Variants in SPG11 observed in about 807,000 individuals in gnomAD.
The protein encoded by SPG11 is spatacsin.
In SPG11, 222 loss-of-function variants were observed where a neutral mutation model predicts 274.0. The ratio of observed to expected loss-of-function variants is 0.81; its 90% CI spans 0.73 to 0.91. The LOEUF (loss-of-function observed/expected upper bound fraction) is 0.91. Among genes scored for constraint, SPG11 ranks in the 40% least tolerant of loss-of-function variants. The pLI is 0.00. For missense variants in SPG11, 3,114 were observed against 2,872.7 expected (o/e 1.08, Z -1.92); for synonymous variants, 1,144 against 1,039.7 (o/e 1.10, Z -1.93).
At chr15:44,583,699 AGTT>A (rs2082699249) in intron 30 of SPG11, 112 bp downstream of exon 30, 5 of 1,376,986 alleles carry the variant, frequency 3.6e-6, no homozygotes, top group Non-Finnish European at 5.1e-6. Context: ...CCTGGAAAAA[AGTT>A]GTTGTCCCCT....
At chr15:44,650,137 T>G (rs773709642) in intron 6 of SPG11, among the ~76,000 whole-genome samples, 1 of 152,142 alleles carries the variant, frequency 6.6e-6, no homozygotes, top group Non-Finnish European at 1.5e-5. Flanking sequence ...ATGCGGTGAA[T>G]GAATGCATAT....
At chr15:44,641,729 G>A (rs535241367) in intron 7 of SPG11, among the ~76,000 whole-genome samples, 19 of 150,914 alleles carry the variant, frequency 1.3e-4, no homozygotes, top group African/African-American at 4.6e-4. Flanking sequence ...TCAAGAACAT[G>A]CAACAATGAG....
At chr15:44,638,994 CA>C (rs200325198) in intron 7 of SPG11, among the ~76,000 whole-genome samples, 4 of 138,088 alleles carry the variant, frequency 2.9e-5, no homozygotes, top group Non-Finnish European at 3.2e-5. Context: ...AGACTGTCTC[CA>C]AAAAAAAAAT....
intron 6 of SPG11, 143 bp downstream of exon 6, chr15:44,651,348 T>C (rs2084769171): frequency 1.2e-5 from 9 of 720,656 alleles, no homozygotes; most frequent in Non-Finnish European, 2.1e-5. Flanking sequence ...TGAGACACTA[T>C]TACCAAGAAT....
intron 38 of SPG11, among the ~76,000 whole-genome samples, chr15:44,565,608 C>G (rs766824636): frequency 6.6e-6 from 1 of 152,208 alleles, no homozygotes; most frequent in Non-Finnish European, 1.5e-5. Context: ...GTGTCTGCCT[C>G]TCTGCTGGCC....
At chr15:44,606,985 T>A (rs371292234) in intron 19 of SPG11, among the ~76,000 whole-genome samples, 1 of 152,186 alleles carries the variant, frequency 6.6e-6, no homozygotes, top group African/African-American at 2.4e-5. Flanking sequence ...TGTTTTTACA[T>A]AATCCACTTT....
chr15:44,614,747 G>A (rs1010776086), intron 16 of SPG11, among the ~76,000 whole-genome samples: 1 of 152,110 alleles, frequency 6.6e-6, no homozygotes, highest in Non-Finnish European at 1.5e-5. Context: ...GATTAAATGA[G>A]ATAATGCATA....
intron 8 of SPG11, among the ~76,000 whole-genome samples, chr15:44,632,517 ATTTTTTTT>A: frequency 7.0e-6 from 1 of 142,774 alleles, no homozygotes; most frequent in South Asian, 2.2e-4. Flanking sequence ...GTCTGGGTGA[ATTTTTTTT>A]TTTTTTTTGA....
At chr15:44,591,809 T>TA (rs377505597) in intron 27 of SPG11, among the ~76,000 whole-genome samples, 1 of 151,422 alleles carries the variant, frequency 6.6e-6, no homozygotes, top group Admixed American at 6.6e-5. Context: ...TTCTTCTCTA[T>TA]AAAAAAAATA....
chr15:44,660,708 C>A (rs975804435), intron 1 of SPG11, 92 bp from the exon 2 acceptor site: 2 of 1,202,030 alleles, frequency 1.7e-6, no homozygotes, highest in East Asian at 2.5e-5. Flanking sequence ...AAGTAGAGAA[C>A]AGTTTAGTTG....
At chr15:44,648,561 A>G (rs1342947107) in intron 7 of SPG11, among the ~76,000 whole-genome samples, 1 of 151,682 alleles carries the variant, frequency 6.6e-6, no homozygotes, top group African/African-American at 2.4e-5. Context: ...GGAATAAAAG[A>G]TCATTACTGT....
intron 29 of SPG11, 107 bp downstream of exon 29, chr15:44,585,529 G>A: frequency 2.3e-6 from 2 of 875,684 alleles, no homozygotes; most frequent in East Asian, 2.7e-5. Context: ...ATGAACCCGA[G>A]AGGCGGAGCT....
intron 30 of SPG11, among the ~76,000 whole-genome samples, chr15:44,578,019 CTTTTT>C (rs1179057683): frequency 8.5e-6 from 1 of 117,570 alleles, no homozygotes; most frequent in Non-Finnish European, 1.8e-5. Context: ...GCCTTCTTTC[CTTTTT>C]TTTTTTTTTT....
intron 28 of SPG11, among the ~76,000 whole-genome samples, chr15:44,587,567 G>A (rs540499554): frequency 1.3e-5 from 2 of 152,050 alleles, no homozygotes; most frequent in South Asian, 4.1e-4. Context: ...GTGTGTGCCT[G>A]TAATTCCAGC....
chr15:44,594,728 C>T (rs539138766), intron 26 of SPG11, among the ~76,000 whole-genome samples: 2 of 151,548 alleles, frequency 1.3e-5, no homozygotes, highest in African/African-American at 4.8e-5. Context: ...TGACACTGAA[C>T]TACAACCTTA....
intron 25 of SPG11, among the ~76,000 whole-genome samples, 154 bp from the exon 26 acceptor site, chr15:44,595,613 A>T (rs2083015795): frequency 6.6e-6 from 1 of 152,254 alleles, no homozygotes; most frequent in Non-Finnish European, 1.5e-5. Context: ...ACTAATGAGC[A>T]ACCAAGGGAC....
chr15:44,588,221 A>C (rs2082816340), intron 28 of SPG11, among the ~76,000 whole-genome samples: 2 of 152,162 alleles, frequency 1.3e-5, no homozygotes, highest in African/African-American at 4.8e-5. Flanking sequence ...ACAAGTGGAA[A>C]AGATAGTAAG....
intron 6 of SPG11, among the ~76,000 whole-genome samples, 170 bp from the exon 7 acceptor site, chr15:44,649,181 T>C (rs1427003780): frequency 6.6e-6 from 1 of 152,102 alleles, no homozygotes; most frequent in Non-Finnish European, 1.5e-5. Flanking sequence ...TTTTTCAACA[T>C]TTTTATAGGC....
At chr15:44,634,472 C>T (rs949132474) in intron 7 of SPG11, among the ~76,000 whole-genome samples, 4 of 148,596 alleles carry the variant, frequency 2.7e-5, no homozygotes, top group Non-Finnish European at 5.9e-5. Context: ...TTTTAATAGA[C>T]GGGTTTCACT....
Sources: gnomAD v4.1 joint callset for allele counts (sites outside exome capture counted in the v4.1 genomes callset) on GRCh38, gnomAD v4.1.1 for gene constraint, MANE v1.5 for transcripts, NCBI Gene and HGNC (gene_info 2026-07-23, HGNC 2026-07-21) for gene names.